The following CFAP43 variants were observed in gnomAD, a reference collection of about 807,000 sequenced individuals.
CFAP43 encodes the protein cilia- and flagella-associated protein 43.
In CFAP43, 155 loss-of-function variants were observed where a neutral mutation model predicts 218.9. The ratio of observed to expected loss-of-function variants is 0.71; its 90% CI spans 0.62 to 0.81. The LOEUF is 0.81. Ranked by LOEUF, CFAP43 falls within the 30% of genes least tolerant of loss-of-function variation. CFAP43 has a pLI of 0.00. For synonymous variants in CFAP43, 645 were observed against 681.3 expected (o/e 0.95, Z 0.83); for missense variants, 1,778 against 1,954.3 (o/e 0.91, Z 1.70).
chr10:104,220,892 A>G (rs1209340968), intron 3 of CFAP43, among the ~76,000 whole-genome samples: 1 of 152,228 alleles, frequency 6.6e-6, no homozygotes, highest in Non-Finnish European at 1.5e-5. Flanking sequence ...AATCATTCAC[A>G]TATCTAACCT....
intron 8 of CFAP43, 125 bp from the exon 9 acceptor site, chr10:104,198,163 C>G: frequency 1.8e-6 from 1 of 564,488 alleles, no homozygotes; most frequent in Non-Finnish European, 3.1e-6. Flanking sequence ...AATCACAGAT[C>G]AACTCAGTAA....
chr10:104,203,907 T>C (rs902051093), intron 7 of CFAP43, 104 bp from the exon 8 acceptor site: 73 of 1,036,314 alleles, frequency 7.0e-5, no homozygotes, highest in Non-Finnish European at 9.2e-5. Flanking sequence ...TACTGCTTAT[T>C]TGGAATCATC....
intron 28 of CFAP43, 36 bp from the exon 29 acceptor site, chr10:104,148,034 A>T: frequency 7.3e-7 from 1 of 1,376,642 alleles, no homozygotes. Flanking sequence ...TGGTGGAATT[A>T]CTTCCACCTG....
At position 104,145,081 on chromosome 10, in the gene CFAP43, C is replaced by T. The variant is rs145248574; in HGVS notation, c.3944+395G>A. On this transcript the variant is annotated intron_variant, in intron 31 of 37. Transcript: ENST00000357060. The stretch of plus-strand genomic sequence containing the variant: ...AGTATTTTCCCCAAACTTAGTTAGT[C>T]CTGGAAGCCTATTACAAGTAGTTCC... Among the ~76,000 whole-genome samples, 703 of 152,272 alleles carry T rather than the reference C, an allele frequency of 4.6e-3. 19 individuals carry two copies. Among genetic ancestry groups the T allele is most frequent in the East Asian group, 4.1e-3 (21 of 5,182 alleles).
chr10:104,197,028 T>C (rs41308677), intron 9 of CFAP43, 95 bp from the exon 10 acceptor site: 6 of 925,574 alleles, frequency 6.5e-6, no homozygotes, highest in Non-Finnish European at 8.1e-6. Context: ...AATGATTTAG[T>C]ATAAAATTTC....
chr10:104,203,575 C>T, intron 8 of CFAP43, 97 bp downstream of exon 8: 1 of 1,181,962 alleles, frequency 8.5e-7, no homozygotes, highest in Non-Finnish European at 1.2e-6. Flanking sequence ...AAGTAGAGTA[C>T]CACTGTGCAG....
chr10:104,165,965 G>A (rs1188987107), intron 23 of CFAP43, among the ~76,000 whole-genome samples: 3 of 152,152 alleles, frequency 2.0e-5, no homozygotes, highest in Non-Finnish European at 4.4e-5. Context: ...AGAAAACTTG[G>A]TATCACAGTA....
intron 27 of CFAP43, among the ~76,000 whole-genome samples, chr10:104,160,055 A>G (rs961397051): frequency 6.6e-6 from 1 of 152,194 alleles, no homozygotes; most frequent in African/African-American, 2.4e-5. Context: ...TCATGGGTGC[A>G]GGTGCAGAGA....
At chr10:104,179,190 T>A in intron 18 of CFAP43, 84 bp from the exon 19 acceptor site, 1 of 1,195,504 alleles carries the variant, frequency 8.4e-7, no homozygotes, top group Non-Finnish European at 1.2e-6. Flanking sequence ...AGCAATTCTC[T>A]AGAAACAGAA....
intron 9 of CFAP43, among the ~76,000 whole-genome samples, 190 bp downstream of exon 9, chr10:104,197,732 C>T (rs925099229): frequency 5.9e-5 from 9 of 152,112 alleles, no homozygotes; most frequent in Admixed American, 1.3e-4. Flanking sequence ...TCATTCTAAC[C>T]GGGGGGTAGA....
intron 16 of CFAP43, 66 bp from the exon 17 acceptor site, chr10:104,182,579 G>C (rs569967): frequency 0.42 from 592,768 of 1,419,448 alleles, 127,486 homozygotes; most frequent in African/African-American, 0.68. Context: ...ACATTTAGCT[G>C]TATTATTTTC....
chr10:104,161,019 A>G lies in CFAP43; in HGVS notation c.3540+18T>C, dbSNP rs1256045657. The stretch of plus-strand genomic sequence containing the variant: ...ACTCTGGATATGGTAGGTTATATTA[A>G]TTATTTGCTCTTCTGACCTTTCTAT... On this transcript the variant is annotated intron_variant, in intron 27 of 37. Transcript: ENST00000357060. 2 of 1,589,208 alleles carry G rather than the reference A, an allele frequency of 1.3e-6. No homozygotes were observed. The highest frequency in any genetic ancestry group is 8.6e-7 in the Non-Finnish European group (1 of 1,161,788).
At chr10:104,181,477 T>A (rs576412356) in intron 17 of CFAP43, among the ~76,000 whole-genome samples, 1 of 152,346 alleles carries the variant, frequency 6.6e-6, no homozygotes, top group African/African-American at 2.4e-5. Flanking sequence ...TAATGTCAAC[T>A]ATACCTTGTT....
Position 104,232,359 on chromosome 10 carries a change from C to G in CFAP43, c.-113G>C. 1 of 1,106,752 alleles carries G rather than the reference C, an allele frequency of 9.0e-7. No individual in the cohort carries two copies. Among genetic ancestry groups the G allele is most frequent in the Non-Finnish European group, 1.2e-6 (1 of 811,392 alleles). The allele number at this position is 1,106,752 out of a possible 1,614,324, so 68.6% of individuals were successfully genotyped here. A position where few individuals can be genotyped will look rare whatever the true frequency, so the allele number is the denominator to read the frequency against. On this transcript the variant is annotated 5_prime_UTR_variant, in exon 1 of 38. Coordinates refer to ENST00000357060, the MANE Select transcript of CFAP43 (RefSeq NM_025145.7). ...GCCGCGACGCCGCTGCTGTGTACAC[C>G]CGTATCCCGGAGACCGTAAGCCCCG...
intron 3 of CFAP43, among the ~76,000 whole-genome samples, chr10:104,221,336 C>G (rs778859120): frequency 7.9e-5 from 12 of 152,292 alleles, no homozygotes; most frequent in Non-Finnish European, 1.6e-4. Context: ...TGCCTCCCCC[C>G]ACCAAATTTA....
intron 27 of CFAP43, among the ~76,000 whole-genome samples, chr10:104,157,736 A>ATGTGTGTG (rs71485761): frequency 8.7e-4 from 93 of 107,184 alleles, no homozygotes; most frequent in African/African-American, 3.5e-3. Context: ...AGCTAACTGG[A>ATGTGTGTG]TGTGTGTGTG....
chr10:104,220,456 T>A (rs1182103535), intron 3 of CFAP43, among the ~76,000 whole-genome samples: 1 of 152,128 alleles, frequency 6.6e-6, no homozygotes, highest in Non-Finnish European at 1.5e-5. Flanking sequence ...ATGCCCCTAC[T>A]ACAGGTTCCC....
chr10:104,166,774 G>A (rs2089178208), intron 22 of CFAP43, 56 bp from the exon 23 acceptor site: 6 of 1,447,388 alleles, frequency 4.1e-6, no homozygotes, highest in Non-Finnish European at 5.6e-6. Flanking sequence ...TCCTCTAAAG[G>A]GAAATTTTGT....
At chr10:104,180,989 G>T (rs969280649) in intron 17 of CFAP43, among the ~76,000 whole-genome samples, 1 of 152,028 alleles carries the variant, frequency 6.6e-6, no homozygotes, top group Admixed American at 6.6e-5. Context: ...CCATCCGCAT[G>T]CCCTTGACTC....
Sources: gnomAD v4.1 joint callset for allele counts (sites outside exome capture counted in the v4.1 genomes callset) on GRCh38, gnomAD v4.1.1 for gene constraint, MANE v1.5 for transcripts, NCBI Gene and HGNC (gene_info 2026-07-23, HGNC 2026-07-21) for gene names.